The following GPC6 variants were observed in gnomAD, a reference collection of about 807,000 sequenced individuals.
The protein encoded by GPC6 is glypican-6.
In GPC6, 14 loss-of-function variants were observed where a neutral mutation model predicts 55.2. The ratio of observed to expected loss-of-function variants is 0.25; its 90% CI spans 0.17 to 0.40. GPC6 has a LOEUF of 0.40. Among genes scored for constraint, GPC6 ranks in the 10% least tolerant of loss-of-function variants. The probability of loss-of-function intolerance (pLI) is 1.00; values close to 1 mark genes in which losing one functional copy is unlikely to be tolerated. For missense variants in GPC6, 641 were observed against 708.5 expected, an observed-to-expected ratio of 0.90 and a Z score of 1.08; for synonymous variants, 278 against 259.6, an observed-to-expected ratio of 1.07 and a Z score of -0.68.
chr13:94,050,473 A>T (rs189664949), intron 4 of GPC6, among the ~76,000 whole-genome samples: 2 of 152,102 alleles, frequency 1.3e-5, no homozygotes, highest in Non-Finnish European at 2.9e-5. Context: ...TAATCTTCCA[A>T]TGTCCTTCCA....
intron 2 of GPC6, among the ~76,000 whole-genome samples, chr13:93,580,693 A>T (rs1028660930): frequency 2.6e-5 from 4 of 152,184 alleles, no homozygotes; most frequent in African/African-American, 9.6e-5. Context: ...GTTAGATAGC[A>T]TTATCTGACT....
chr13:94,307,962 C>T (rs1369296559), intron 6 of GPC6, among the ~76,000 whole-genome samples: 1 of 152,134 alleles, frequency 6.6e-6, no homozygotes, highest in East Asian at 1.9e-4. Context: ...TGAGGTACTA[C>T]ATTGTGCCTG....
At chr13:94,305,896 A>C in intron 5 of GPC6, 84 bp from the exon 6 acceptor site, 1 of 1,236,162 alleles carries the variant, frequency 8.1e-7, no homozygotes, top group African/African-American at 1.5e-5. Context: ...AAATGTGGAC[A>C]CCATTGCATT....
chr13:93,617,443 A>C (rs539654689), intron 2 of GPC6, among the ~76,000 whole-genome samples: 1 of 152,086 alleles, frequency 6.6e-6, no homozygotes, highest in Admixed American at 6.6e-5. Flanking sequence ...GAAGAGAGAG[A>C]TATAACTTAA....
At chr13:93,582,305 G>A (rs1400401984) in intron 2 of GPC6, among the ~76,000 whole-genome samples, 6 of 152,276 alleles carry the variant, frequency 3.9e-5, no homozygotes, top group African/African-American at 1.4e-4. Context: ...ATGTCATGGA[G>A]TAAAAATTGG....
chr13:94,234,833 C>T (rs1157383993), intron 4 of GPC6, among the ~76,000 whole-genome samples: 2 of 152,054 alleles, frequency 1.3e-5, no homozygotes, highest in East Asian at 3.9e-4. Context: ...ATCTTGAGGG[C>T]ATTATTCTAA....
intron 3 of GPC6, among the ~76,000 whole-genome samples, chr13:93,889,832 T>TC (rs1393501828): frequency 6.6e-6 from 1 of 152,070 alleles, no homozygotes; most frequent in African/African-American, 2.4e-5. Flanking sequence ...TGAACACTGA[T>TC]CTCTGCCTCT....
rs559294745 is a variant in GPC6, at chr13:94,337,599, C to T, written c.1152+31476C>T. 1.0e-4 allele frequency among the ~76,000 whole-genome samples: 9 copies of T among 87,706 alleles called. No homozygotes were observed. In the South Asian group the frequency reaches 2.4e-3, roughly 23 times the overall value. The allele number at this position is 87,706 out of a possible 152,430, so 57.5% of individuals were successfully genotyped here. On this transcript the variant is annotated intron_variant, in intron 6 of 8. Coordinates refer to ENST00000377047, the MANE Select transcript of GPC6 (RefSeq NM_005708.5). ...AGTAGCTGGGATTACAGGTGTGCAC[C>T]ACCACATCTGGCTAATTTTTGTATT...
At chr13:93,766,886 A>C (rs1885143666) in intron 2 of GPC6, among the ~76,000 whole-genome samples, 1 of 152,182 alleles carries the variant, frequency 6.6e-6, no homozygotes, top group Non-Finnish European at 1.5e-5. Flanking sequence ...CTGGTGGCCA[A>C]AGAAATCAGT....
At chr13:93,793,478 T>C (rs900277719) in intron 2 of GPC6, among the ~76,000 whole-genome samples, 2 of 133,820 alleles carry the variant, frequency 1.5e-5, no homozygotes, top group Non-Finnish European at 3.2e-5. Flanking sequence ...AATATCACTT[T>C]TGACTTTTTT....
At chr13:93,625,268 C>G (rs1336573714) in intron 2 of GPC6, among the ~76,000 whole-genome samples, 1 of 151,972 alleles carries the variant, frequency 6.6e-6, no homozygotes, top group Admixed American at 6.6e-5. Flanking sequence ...ATTTTTCTGC[C>G]CTATTTTCCA....
At chr13:93,952,607 G>T (rs1280825424) in intron 3 of GPC6, among the ~76,000 whole-genome samples, 3 of 151,388 alleles carry the variant, frequency 2.0e-5, no homozygotes, top group African/African-American at 7.3e-5. Context: ...ATACATTTAT[G>T]TATATATGTA....
At chr13:93,627,662 G>A (rs1483330394) in intron 2 of GPC6, among the ~76,000 whole-genome samples, 2 of 151,310 alleles carry the variant, frequency 1.3e-5, no homozygotes, top group African/African-American at 2.4e-5. Context: ...CATTTCCTAT[G>A]TGGAAATTAA....
chr13:93,516,474 C>A (rs562590870), intron 1 of GPC6, among the ~76,000 whole-genome samples: 1 of 151,960 alleles, frequency 6.6e-6, no homozygotes, highest in Non-Finnish European at 1.5e-5. Context: ...GGAAGTGGGG[C>A]ACAGGTACAA....
rs369480808 is a variant in GPC6, at chr13:93,895,222, A to ATGTGTGTG, written c.711+64683_711+64690dup. 4.8e-3 allele frequency among the ~76,000 whole-genome samples: 258 copies of ATGTGTGTG among 53,574 alleles called. 19 individuals are homozygous for ATGTGTGTG. The highest frequency in any genetic ancestry group is 0.018 in the African/African-American group (226 of 12,686). 35.1% of individuals were successfully genotyped at this position (53,574 alleles called of 152,430 possible). A position where few individuals can be genotyped will look rare whatever the true frequency, so the allele number is the denominator to read the frequency against. ...TATATATGTGTGTGTGTGTGTATGT[A>ATGTGTGTG]TGTGTGTGTGTGTATATATATATAT... On this transcript the variant is annotated intron_variant, in intron 3 of 8. Coordinates refer to ENST00000377047, the MANE Select transcript of GPC6 (RefSeq NM_005708.5).
intron 1 of GPC6, among the ~76,000 whole-genome samples, chr13:93,380,044 A>G (rs1178573385): frequency 1.3e-5 from 2 of 151,168 alleles, no homozygotes; most frequent in Non-Finnish European, 2.9e-5. Flanking sequence ...ATATTTTTTC[A>G]GTGGGAAAAT....
intron 2 of GPC6, among the ~76,000 whole-genome samples, chr13:93,649,958 T>C (rs1880336708): frequency 1.3e-5 from 2 of 152,194 alleles, no homozygotes; most frequent in African/African-American, 4.8e-5. Context: ...AGTTGTATAA[T>C]ATTCTTCAAA....
intron 3 of GPC6, among the ~76,000 whole-genome samples, chr13:93,874,038 T>C (rs1043449963): frequency 6.6e-6 from 1 of 151,968 alleles, no homozygotes; most frequent in Non-Finnish European, 1.5e-5. Flanking sequence ...CAATGCATTG[T>C]CTGGCAGCCA....
At chr13:93,955,564 A>C (rs1566621121) in intron 3 of GPC6, among the ~76,000 whole-genome samples, 1 of 152,142 alleles carries the variant, frequency 6.6e-6, no homozygotes, top group Non-Finnish European at 1.5e-5. Flanking sequence ...GCACAAAATC[A>C]CATTTCTAGG....
Sources: gnomAD v4.1 joint callset for allele counts (sites outside exome capture counted in the v4.1 genomes callset) on GRCh38, gnomAD v4.1.1 for gene constraint, MANE v1.5 for transcripts, NCBI Gene and HGNC (gene_info 2026-07-23, HGNC 2026-07-21) for gene names.